The following SCX variants were observed in gnomAD, a reference collection of about 807,000 sequenced individuals.
SCX encodes scleraxis bHLH transcription factor.
A neutral mutation model predicts 12.2 loss-of-function variants in SCX; 7 were observed. That is an observed-to-expected ratio of 0.57 (90% confidence interval 0.33 to 1.08). The LOEUF (loss-of-function observed/expected upper bound fraction) is 1.08, where lower values mean the gene tolerates loss of function less well. SCX is among the 50% of genes least tolerant of loss of function. The pLI is 0.04. For synonymous variants in SCX, 193 were observed against 163.9 expected (o/e 1.18, Z -1.36); for missense variants, 342 against 337.2 (o/e 1.01, Z -0.11).
chr8:144,266,579 C>T lies in SCX; in HGVS notation c.-35C>T, dbSNP rs1364905173. 4 of 1,038,196 alleles carry T rather than the reference C, an allele frequency of 3.9e-6. No homozygotes were observed. The highest frequency in any genetic ancestry group is 4.6e-6 in the Non-Finnish European group (4 of 864,018). The allele number at this position is 1,038,196 out of a possible 1,614,324, so 64.3% of individuals were successfully genotyped here. ...GCCGCAGGAGGCGGCATGAGCAGCG[C>T]GCGACAGAGCTGACGCCGCGCCCCC... On this transcript the variant is annotated 5_prime_UTR_variant, in exon 1 of 2. Transcript: ENST00000567180.
At position 144,266,712 on chromosome 8, in the gene SCX, G is replaced by C. The variant is rs1409780403; in HGVS notation, c.99G>C (p.Ser33=). ...ACGAGGACCGCGGCAGCGACAGCTCGGGCTCCGACGAGAAACCCTGTCGCG... is the reference window on the plus strand; with the variant it reads ...ACGAGGACCGCGGCAGCGACAGCTCCGGCTCCGACGAGAAACCCTGTCGCG... ...SEDEDRGSDS[S]GSDEKPCRVH... Residue 33 remains serine (S), a synonymous_variant, in exon 1 of 2, where the codon TCG becomes TCC. Coordinates refer to ENST00000567180, the MANE Select transcript of SCX (RefSeq NM_001080514.3). 1.6e-6 allele frequency: 2 copies of C among 1,212,782 alleles called. No homozygotes were observed. Among genetic ancestry groups the C allele is most frequent in the African/African-American group, 3.3e-5 (2 of 60,912 alleles). 75.1% of individuals were successfully genotyped at this position (1,212,782 alleles called of 1,614,324 possible).
chr8:144,266,770 C>A lies in SCX; in HGVS notation c.157C>A (p.Arg53=). 9.5e-7 allele frequency: 1 copy of A among 1,055,526 alleles called. No individual in the cohort carries two copies. The highest frequency in any genetic ancestry group is 4.2e-5 in the South Asian group (1 of 23,880). 65.4% of individuals were successfully genotyped at this position (1,055,526 alleles called of 1,614,324 possible). The change falls in exon 1 of 2, where the codon CGG becomes AGG. Residue 53 remains arginine (R), a synonymous_variant. Coordinates refer to ENST00000567180, the MANE Select transcript of SCX (RefSeq NM_001080514.3). The stretch of plus-strand genomic sequence containing the variant: ...GGCGCGCTGCGGCCTCCAGGGCGCC[C>A]GGCGGAGGGCGGGGGGCCGGCGGGC... The part of the protein sequence containing the change: ...HAARCGLQGA[R]RRAGGRRAGG...
rs1047707974 is a variant in SCX at position 144,268,316 on chromosome 8, G to A, written c.*174G>A. On this transcript the variant is annotated 3_prime_UTR_variant, in exon 2 of 2. Transcript: ENST00000567180. ...GGGACAGACGGACGTACAGACAGGC[G>A]CCGGCAGCGGGACTCTGCGCTGGCC... 16 of 902,526 alleles carry A rather than the reference G, an allele frequency of 1.8e-5. No homozygotes were observed. Among genetic ancestry groups the A allele is most frequent in the Middle Eastern group, 3.4e-4 (1 of 2,902 alleles). 55.9% of individuals were successfully genotyped at this position (902,526 alleles called of 1,614,324 possible). A position where few individuals can be genotyped will look rare whatever the true frequency, so the allele number is the denominator to read the frequency against.
chr8:144,268,272 T>C lies in SCX; in HGVS notation c.*130T>C, dbSNP rs968596792. 2 of 1,379,078 alleles carry C rather than the reference T, an allele frequency of 1.5e-6. No individual in the cohort carries two copies. Among genetic ancestry groups the C allele is most frequent in the East Asian group, 2.5e-5 (1 of 39,818 alleles). The allele number at this position is 1,379,078 out of a possible 1,614,324, so 85.4% of individuals were successfully genotyped here. ...CGCAAGCATGCCCCCAGGCCAGCCC[T>C]GGCTGCGAGCGGGGCCGAGGGACAG... On this transcript the variant is annotated 3_prime_UTR_variant, in exon 2 of 2. Coordinates refer to ENST00000567180, the MANE Select transcript of SCX (RefSeq NM_001080514.3).
In SCX at chr8:144,268,204, T is replaced by A; in HGVS notation, c.*62T>A. 4 of 1,546,708 alleles carry A rather than the reference T, an allele frequency of 2.6e-6. No individual in the cohort carries two copies. Among genetic ancestry groups the A allele is most frequent in the Non-Finnish European group, 3.5e-6 (4 of 1,145,200 alleles). On this transcript the variant is annotated 3_prime_UTR_variant, in exon 2 of 2. Transcript: ENST00000567180. ...GGGGGAGGTGGACGCCCGGGGTGAC[T>A]GCAGACAGCCCCCACCTTGGACCTG...
chr8:144,266,663 C>A lies in SCX; in HGVS notation c.50C>A (p.Pro17His). 7.9e-7 allele frequency: 1 copy of A among 1,261,114 alleles called. No homozygotes were observed. The highest frequency in any genetic ancestry group is 3.0e-5 in the Admixed American group (1 of 33,352). The allele number at this position is 1,261,114 out of a possible 1,614,324, so 78.1% of individuals were successfully genotyped here. Reference sequence around the variant, plus strand: ...GCGCCGCCGGGCCGCTACCTGTACCCCGAGGTGAGCCCGCTGTCGGAGGAC... The same window carrying A: ...GCGCCGCCGGGCCGCTACCTGTACCACGAGGTGAGCCCGCTGTCGGAGGAC... ...RPAPPGRYLY[P>H]EVSPLSEDED... Residue 17 changes from proline (P) to histidine (H), a missense_variant, in exon 1 of 2, where the codon CCC becomes CAC. Transcript: ENST00000567180.
chr8:144,268,364 G>A lies in SCX; in HGVS notation c.*222G>A, dbSNP rs2130216686. The A allele has an allele frequency of 1.6e-6, 1 of 610,358 alleles. No individual in the cohort carries two copies. The highest frequency in any genetic ancestry group is 2.9e-6 in the Non-Finnish European group (1 of 348,768). The allele number at this position is 610,358 out of a possible 1,614,324, so 37.8% of individuals were successfully genotyped here. On this transcript the variant is annotated 3_prime_UTR_variant, in exon 2 of 2. Transcript: ENST00000567180. ...GCCCCAGCACCTGCCCGGGCCCACT[G>A]GAACTTTCTGCGCTGGCTTTTCTTC...
Position 144,268,424 on chromosome 8 carries a change from A to T in SCX, c.*282A>T, listed in dbSNP as rs954538969. On this transcript the variant is annotated 3_prime_UTR_variant, in exon 2 of 2. Transcript: ENST00000567180. ...TGTGATGGCATCTTGTGTTTTTGATATGATAATATAAAGTCTGAAAATTTT... is the reference window on the plus strand; with the variant it reads ...TGTGATGGCATCTTGTGTTTTTGATTTGATAATATAAAGTCTGAAAATTTT... The T allele has an allele frequency of 1.7e-6, 1 of 572,382 alleles. No individual in the cohort carries two copies. The highest frequency in any genetic ancestry group is 3.1e-6 in the Non-Finnish European group (1 of 323,544). 35.5% of individuals were successfully genotyped at this position (572,382 alleles called of 1,614,324 possible).
intron 1 of SCX, 116 bp from the exon 2 acceptor site, chr8:144,267,987 CG>C: frequency 6.8e-7 from 1 of 1,463,526 alleles, no homozygotes; most frequent in Non-Finnish European, 9.3e-7. Flanking sequence ...TGGGGAGAGC[CG>C]GGAAGGAGGT....
At position 144,268,241 on chromosome 8, in the gene SCX, G is replaced by A. The variant is rs1195812000; in HGVS notation, c.*99G>A. On this transcript the variant is annotated 3_prime_UTR_variant, in exon 2 of 2. Coordinates refer to ENST00000567180, the MANE Select transcript of SCX (RefSeq NM_001080514.3). ...CCACCTTGGACCTGAGCTGGGCAAG[G>A]CCCACCGCAAGCATGCCCCCAGGCC... 2.6e-6 allele frequency: 4 copies of A among 1,514,318 alleles called. No individual in the cohort carries two copies. The highest frequency in any genetic ancestry group is 3.6e-6 in the Non-Finnish European group (4 of 1,119,458). 93.8% of individuals were successfully genotyped at this position (1,514,318 alleles called of 1,614,324 possible).
intron 1 of SCX, 76 bp downstream of exon 1, chr8:144,267,256 G>A: frequency 2.1e-6 from 3 of 1,421,948 alleles, no homozygotes; most frequent in Non-Finnish European, 2.7e-6. Context: ...CAGAGGAGGC[G>A]AGGCCACACG....
In SCX at chr8:144,266,936, A is replaced by G; in HGVS notation, c.323A>G (p.Asp108Gly). 6.4e-7 allele frequency: 1 copy of G among 1,559,054 alleles called. No individual in the cohort carries two copies. The highest frequency in any genetic ancestry group is 2.4e-5 in the East Asian group (1 of 41,058). Residue 108 changes from aspartate (D) to glycine (G), a missense_variant, in exon 1 of 2, where the codon GAC becomes GGC. Physicochemically the swap from Asp to Gly is moderately conservative, Grantham distance 94. This residue lies in a region of SCX where 161 missense variants were observed against 155.7 expected (regional missense o/e 1.03). Transcript: ENST00000567180. ...ACGCTGATCCCCACCGAGCCCGCCG[A>G]CCGCAAGCTCTCCAAGATTGAGACG... ...LRTLIPTEPA[D>G]RKLSKIETLR...
chr8:144,266,986 T>C lies in SCX; in HGVS notation c.373T>C (p.Ser125Pro). Residue 125 changes from serine (S) to proline (P), a missense_variant, in exon 1 of 2, where the codon TCG becomes CCG. Ser to Pro is a moderately conservative substitution (Grantham distance 74). Around this residue, in one of 3 missense-constraint regions of SCX, gnomAD observed 161 missense variants for 155.7 expected, o/e 1.03. Coordinates refer to ENST00000567180, the MANE Select transcript of SCX (RefSeq NM_001080514.3). The part of the protein sequence containing the change: ...ETLRLASSYI[S>P]HLGNVLLAGE... ...GCTGCGCCTGGCCTCCAGCTACATC[T>C]CGCACCTGGGCAACGTGCTGCTGGC... 1 of 1,550,296 alleles carries C rather than the reference T, an allele frequency of 6.5e-7. No homozygotes were observed.
In SCX at chr8:144,266,493, C is replaced by T. The variant is rs1845367765; in HGVS notation, c.-121C>T. 1 of 986,486 alleles carries T rather than the reference C, an allele frequency of 1.0e-6. No homozygotes were observed. Among genetic ancestry groups the T allele is most frequent in the African/African-American group, 1.8e-5 (1 of 56,894 alleles). 61.1% of individuals were successfully genotyped at this position (986,486 alleles called of 1,614,324 possible). ...TGTGCGCGCGACGCCCGGCAGCTGC[C>T]ACCGCGGGGCGCAGCCGAGACCCCG... On this transcript the variant is annotated 5_prime_UTR_variant, in exon 1 of 2. Transcript: ENST00000567180.
Position 144,266,709 on chromosome 8 carries a change from C to G in SCX, c.96C>G (p.Ser32Arg). ...AGGACGAGGACCGCGGCAGCGACAG[C>G]TCGGGCTCCGACGAGAAACCCTGTC... is the stretch of plus-strand genomic sequence containing the variant. ...LSEDEDRGSD[S>R]SGSDEKPCRV... The change falls in exon 1 of 2, where the codon AGC (serine) becomes AGG (arginine). Residue 32 changes from serine (S) to arginine (R), a missense_variant. By Grantham distance (110) the Ser-to-Arg change is moderately radical. Around this residue, in one of 3 missense-constraint regions of SCX, gnomAD observed 139 missense variants for 107.8 expected, o/e 1.29. Transcript: ENST00000567180. The G allele has an allele frequency of 1.6e-6, 2 of 1,213,598 alleles. No homozygotes were observed. Among genetic ancestry groups the G allele is most frequent in the Non-Finnish European group, 1.0e-6 (1 of 957,130 alleles). The allele number at this position is 1,213,598 out of a possible 1,614,324, so 75.2% of individuals were successfully genotyped here. A position where few individuals can be genotyped will look rare whatever the true frequency, so the allele number is the denominator to read the frequency against.
Position 144,266,628 on chromosome 8 carries a change from G to A in SCX, c.15G>A (p.Thr5=). 4.1e-6 allele frequency: 5 copies of A among 1,224,064 alleles called. No individual in the cohort carries two copies. Among genetic ancestry groups the A allele is most frequent in the South Asian group, 1.5e-5 (1 of 67,252 alleles). The allele number at this position is 1,224,064 out of a possible 1,614,324, so 75.8% of individuals were successfully genotyped here. The change falls in exon 1 of 2, where the codon ACG becomes ACA. Residue 5 remains threonine (T), a synonymous_variant. Coordinates refer to ENST00000567180, the MANE Select transcript of SCX (RefSeq NM_001080514.3). Reference sequence around the variant, plus strand: ...CCGCCGGCCCCATGTCCTTCGCCACGCTGCGCCCGGCGCCGCCGGGCCGCT... The same window carrying A: ...CCGCCGGCCCCATGTCCTTCGCCACACTGCGCCCGGCGCCGCCGGGCCGCT... MSFA[T]LRPAPPGRYL...
At position 144,267,105 on chromosome 8, in the gene SCX, G is replaced by A. The variant is rs1845390569; in HGVS notation, c.492G>A (p.Pro164=). The A allele has an allele frequency of 1.4e-6, 2 of 1,439,588 alleles. No homozygotes were observed. The highest frequency in any genetic ancestry group is 1.8e-6 in the Non-Finnish European group (2 of 1,105,726). 89.2% of individuals were successfully genotyped at this position (1,439,588 alleles called of 1,614,324 possible). The change falls in exon 1 of 2, where the codon CCG becomes CCA. Residue 164 remains proline, a synonymous_variant. Coordinates refer to ENST00000567180, the MANE Select transcript of SCX (RefSeq NM_001080514.3). ...GCAGCCCCCCGCCGCCGCCCCCGCC[G>A]CCTCCCGCCCGCGACGGCGAGAACA... The part of the protein sequence containing the change: ...RAGSPPPPPP[P]PPARDGENTQ...
Position 144,266,459 on chromosome 8 carries a change from G to C in SCX, c.-155G>C. 1.0e-6 allele frequency: 1 copy of C among 971,746 alleles called. No homozygotes were observed. The highest frequency in any genetic ancestry group is 1.2e-6 in the Non-Finnish European group (1 of 817,732). The allele number at this position is 971,746 out of a possible 1,614,324, so 60.2% of individuals were successfully genotyped here. On this transcript the variant is annotated 5_prime_UTR_variant, in exon 1 of 2. Transcript: ENST00000567180. ...CAGCTCGGGGCCCCGCTCCGGCCCG[G>C]GACGCACATGTGCGCGCGACGCCCG...
chr8:144,267,981 G>A (rs2130214905), intron 1 of SCX, 123 bp from the exon 2 acceptor site: 1 of 1,432,104 alleles, frequency 7.0e-7, no homozygotes. Flanking sequence ...GGAAGCTGGG[G>A]AGAGCCGGGA....
Sources: allele counts gnomAD v4.1 joint callset, GRCh38; gene constraint gnomAD v4.1.1; regional missense constraint gnomAD v4.1.1; transcripts MANE v1.5; gene names NCBI Gene and HGNC (gene_info 2026-07-23, HGNC 2026-07-21).